The following ELMO1 variants were observed in gnomAD, a reference collection of about 807,000 sequenced individuals.
ELMO1 encodes engulfment and cell motility protein 1.
A neutral mutation model predicts 98.9 loss-of-function variants in ELMO1; 26 were observed. That is an observed-to-expected ratio of 0.26 (90% CI 0.19 to 0.36). ELMO1 has a LOEUF of 0.36. Ranked by LOEUF, ELMO1 falls within the 10% of genes least tolerant of loss-of-function variation. The probability of loss-of-function intolerance (pLI) is 1.00; values close to 1 mark genes in which losing one functional copy is unlikely to be tolerated. For synonymous variants in ELMO1, 346 were observed against 346.0 expected (o/e 1.00, Z 0.00); for missense variants, 627 against 935.2 (o/e 0.67, Z 4.30).
chr7:36,924,887 T>A (rs1160209387), intron 16 of ELMO1, among the ~76,000 whole-genome samples: 2 of 152,122 alleles, frequency 1.3e-5, no homozygotes, highest in Non-Finnish European at 2.9e-5. Flanking sequence ...CTGCCCTCAC[T>A]TTGCATTCTG....
chr7:37,306,340 A>G (rs527828124), intron 4 of ELMO1, among the ~76,000 whole-genome samples: 1 of 152,322 alleles, frequency 6.6e-6, no homozygotes, highest in South Asian at 2.1e-4. Flanking sequence ...GGAATAAGAG[A>G]AAGAATAAAA....
intron 16 of ELMO1, among the ~76,000 whole-genome samples, chr7:36,989,786 C>T (rs1283282500): frequency 1.9e-4 from 29 of 152,158 alleles, no homozygotes; most frequent in Non-Finnish European, 1.5e-5. Context: ...TCACAAAGAA[C>T]ACATTCACTA....
chr7:36,999,155 C>T (rs1412545284), intron 16 of ELMO1, among the ~76,000 whole-genome samples: 2 of 151,960 alleles, frequency 1.3e-5, no homozygotes, highest in Non-Finnish European at 2.9e-5. Context: ...AGAAAAGCCC[C>T]GGGTCACGCA....
chr7:36,976,479 C>T (rs907720582), intron 16 of ELMO1, among the ~76,000 whole-genome samples: 8 of 152,218 alleles, frequency 5.3e-5, no homozygotes, highest in African/African-American at 1.2e-4. Flanking sequence ...CTAATTAAAA[C>T]GAGACTTTAT....
chr7:37,428,027 T>TGG (rs200303217), intron 1 of ELMO1, among the ~76,000 whole-genome samples: 17 of 56,436 alleles, frequency 3.0e-4, no homozygotes, highest in South Asian at 9.0e-4. Context: ...GATGTATGCT[T>TGG]GGGGTGTGTG....
At chr7:37,322,552 C>T (rs574950432) in intron 2 of ELMO1, among the ~76,000 whole-genome samples, 1 of 150,316 alleles carries the variant, frequency 6.7e-6, no homozygotes, top group East Asian at 2.0e-4. Context: ...ATCTGGGAGG[C>T]AGAGGTTGCA....
At position 37,441,447 on chromosome 7, in the gene ELMO1, C is replaced by T. The variant is rs148957533; in HGVS notation, c.-74+7228G>A. 3.3e-5 allele frequency among the ~76,000 whole-genome samples: 5 copies of T among 152,290 alleles called. No individual in the cohort carries two copies. The East Asian group carries it at 9.6e-4, about 29-fold the overall frequency. On this transcript the variant is annotated intron_variant, in intron 1 of 21. Transcript: ENST00000310758. ...ACCTTGAAGGCTTCTCCCTGACCTG[C>T]TACAATGTCCTGGTCGCACTAATGG... is the stretch of plus-strand genomic sequence containing the variant.
At chr7:37,415,982 C>T (rs1178351250) in intron 1 of ELMO1, among the ~76,000 whole-genome samples, 1 of 152,144 alleles carries the variant, frequency 6.6e-6, no homozygotes. Flanking sequence ...AAACATATTC[C>T]ATAATGAAAT....
intron 16 of ELMO1, among the ~76,000 whole-genome samples, chr7:36,941,023 G>A (rs1473616254): frequency 6.6e-6 from 1 of 152,212 alleles, no homozygotes. Context: ...TCGGCTCTCA[G>A]CTCTGCATTT....
intron 2 of ELMO1, among the ~76,000 whole-genome samples, chr7:37,327,573 A>T (rs1441565185): frequency 6.6e-6 from 1 of 152,220 alleles, no homozygotes; most frequent in African/African-American, 2.4e-5. Context: ...GTGACCAAAA[A>T]AGTATGAAAT....
At chr7:37,448,895 C>A (rs951327149), upstream of ELMO1, 1 of 153,306 alleles carries the variant, frequency 6.5e-6, no homozygotes, top group East Asian at 1.9e-4. Flanking sequence ...CGCCGGCTGC[C>A]GCTGCTCTCA....
chr7:37,307,861 C>G (rs1031378984), intron 4 of ELMO1, among the ~76,000 whole-genome samples: 5 of 152,138 alleles, frequency 3.3e-5, no homozygotes, highest in African/African-American at 1.2e-4. Context: ...TCTGTAATCC[C>G]AGCACTGTGG....
chr7:37,114,903 A>G (rs1486288467), intron 14 of ELMO1, among the ~76,000 whole-genome samples: 2 of 152,156 alleles, frequency 1.3e-5, no homozygotes, highest in African/African-American at 2.4e-5. Context: ...ATAAATTATT[A>G]GCATCAAAAA....
At position 37,070,644 on chromosome 7, in the gene ELMO1, T is replaced by C. The variant is rs78368572; in HGVS notation, c.1300+25975A>G. 9.0e-3 allele frequency among the ~76,000 whole-genome samples: 1,376 copies of C among 152,276 alleles called. 5 individuals carry two copies. Among genetic ancestry groups the C allele is most frequent in the Middle Eastern group, 0.014 (4 of 294 alleles). The stretch of plus-strand genomic sequence containing the variant: ...CCACGTGTCTTGAGCAAGGCTTTCT[T>C]GTTTGGTCTGGCCATTCCTGGCTTC... On this transcript the variant is annotated intron_variant, in intron 15 of 21. Coordinates refer to ENST00000310758, the MANE Select transcript of ELMO1 (RefSeq NM_014800.11).
chr7:36,855,356 A>G lies in ELMO1; in HGVS notation c.*195T>C. On this transcript the variant is annotated 3_prime_UTR_variant, in exon 22 of 22. Transcript: ENST00000310758. This position sits in a 1 kb window ranked among gnomAD's most constrained non-coding sequence, Gnocchi z 4.2. Reference sequence around the variant, plus strand: ...TGACCTGAAGCAGTGGAGCCGAGGAACAGAATCAGGGCGGTGAGCAAGATG... The same window carrying G: ...TGACCTGAAGCAGTGGAGCCGAGGAGCAGAATCAGGGCGGTGAGCAAGATG... 1.6e-6 allele frequency: 1 copy of G among 630,788 alleles called. No homozygotes were observed. Among genetic ancestry groups the G allele is most frequent in the Non-Finnish European group, 2.7e-6 (1 of 364,998 alleles). The allele number at this position is 630,788 out of a possible 1,614,324, so 39.1% of individuals were successfully genotyped here. A position where few individuals can be genotyped will look rare whatever the true frequency, so the allele number is the denominator to read the frequency against.
In ELMO1 at chr7:37,340,353, A is replaced by G. The variant is rs143321581; in HGVS notation, c.78+2260T>C. ...AATGGTTCAGAAAAAGTAGGTACAG[A>G]GTTCTTTGTACTATCCTGGCAATTT... On this transcript the variant is annotated intron_variant, in intron 2 of 21. Coordinates refer to ENST00000310758, the MANE Select transcript of ELMO1 (RefSeq NM_014800.11). 6.1e-4 allele frequency among the ~76,000 whole-genome samples: 93 copies of G among 152,312 alleles called. 1 individual carries two copies. In the Middle Eastern group the frequency reaches 0.02, roughly 33 times the overall value.
At chr7:36,948,907 G>A (rs1247211140) in intron 16 of ELMO1, among the ~76,000 whole-genome samples, 2 of 152,082 alleles carry the variant, frequency 1.3e-5, no homozygotes, top group African/African-American at 4.8e-5. Flanking sequence ...TCAGGCTGGA[G>A]TGCAATGGTA....
intron 4 of ELMO1, among the ~76,000 whole-genome samples, chr7:37,276,831 G>T (rs996069665): frequency 2.0e-5 from 3 of 152,228 alleles, no homozygotes; most frequent in African/African-American, 7.2e-5. Context: ...TCACAAGCAT[G>T]CTTTGTATTG....
At chr7:37,095,538 A>G (rs1326919736) in intron 15 of ELMO1, among the ~76,000 whole-genome samples, 1 of 152,228 alleles carries the variant, frequency 6.6e-6, no homozygotes, top group Admixed American at 6.5e-5. Context: ...CTCATGTTCC[A>G]TGTCATCATT....
Sources: allele counts gnomAD v4.1 joint callset (sites outside exome capture counted in the v4.1 genomes callset), GRCh38; gene constraint gnomAD v4.1.1; non-coding constraint Gnocchi (gnomAD v3.1); transcripts MANE v1.5; gene names NCBI Gene and HGNC (gene_info 2026-07-23, HGNC 2026-07-21).